Variants in DENND1A observed in about 807,000 individuals in gnomAD.
DENND1A encodes the protein DENN domain containing 1A.
A neutral mutation model predicts 113.7 loss-of-function variants in DENND1A; 51 were observed. The ratio of observed to expected loss-of-function variants is 0.45; its 90% CI spans 0.36 to 0.57. The LOEUF is 0.57. Among genes scored for constraint, DENND1A ranks in the 20% least tolerant of loss-of-function variants. The pLI, the probability that DENND1A is intolerant of heterozygous loss-of-function variation, is 0.00. For synonymous variants in DENND1A, 565 were observed against 570.8 expected (o/e 0.99, Z 0.14); for missense variants, 1,258 against 1,395.9 (o/e 0.90, Z 1.57).
chr9:123,741,311 G>A (rs1224138040), intron 5 of DENND1A, among the ~76,000 whole-genome samples: 1 of 152,316 alleles, frequency 6.6e-6, no homozygotes, highest in Non-Finnish European at 1.5e-5. Flanking sequence ...AGTGGAAAGA[G>A]ATATGAACGG....
chr9:123,532,038 C>A (rs1336391373), intron 13 of DENND1A, among the ~76,000 whole-genome samples: 3 of 152,150 alleles, frequency 2.0e-5, no homozygotes, highest in Non-Finnish European at 4.4e-5. Context: ...TGTGCATGTG[C>A]ATCTTGGCTA....
chr9:123,708,610 A>T (rs867952850), intron 5 of DENND1A, among the ~76,000 whole-genome samples: 1 of 152,174 alleles, frequency 6.6e-6, no homozygotes, highest in South Asian at 2.1e-4. Context: ...TTACAAGTAT[A>T]TAAAAAATAA....
chr9:123,643,004 GATGGTACTCAGACA>G (rs1463510062), intron 9 of DENND1A, among the ~76,000 whole-genome samples: 5 of 152,156 alleles, frequency 3.3e-5, no homozygotes, highest in Non-Finnish European at 5.9e-5. Flanking sequence ...CTCAAGACCA[GATGGTACTCAGACA>G]ATGGATGCTG....
intron 11 of DENND1A, among the ~76,000 whole-genome samples, chr9:123,589,037 A>T (rs2059335454): frequency 6.6e-6 from 1 of 152,130 alleles, no homozygotes; most frequent in South Asian, 2.1e-4. Context: ...AAGTGCTCGG[A>T]TGACAGGTGT....
At chr9:123,568,973 C>T (rs950206439) in intron 12 of DENND1A, among the ~76,000 whole-genome samples, 3 of 152,080 alleles carry the variant, frequency 2.0e-5, no homozygotes, top group South Asian at 2.1e-4. Flanking sequence ...CTAGTGGGAA[C>T]GGCCAAATAT....
chr9:123,680,781 G>C (rs925178637), intron 5 of DENND1A, among the ~76,000 whole-genome samples: 5 of 152,212 alleles, frequency 3.3e-5, no homozygotes, highest in Admixed American at 6.5e-5. Flanking sequence ...AATTTTAAGA[G>C]CTCTCCGACA....
At chr9:123,495,311 C>T (rs2051815308) in intron 13 of DENND1A, among the ~76,000 whole-genome samples, 1 of 152,078 alleles carries the variant, frequency 6.6e-6, no homozygotes, top group African/African-American at 2.4e-5. Context: ...CTCAGTAAAT[C>T]CAGGAATTCT....
In DENND1A at chr9:123,603,738, T is replaced by C. The variant is rs558417738; in HGVS notation, c.765+5698A>G. On this transcript the variant is annotated intron_variant, in intron 11 of 23. Coordinates refer to ENST00000394215, the MANE Select transcript of DENND1A (RefSeq NM_001352964.2). ...ACTGAGGTGTAGAAAAAGTAACTAA[T>C]TCATAAAAAGTACTTGAAAACATAG... 2.0e-4 allele frequency among the ~76,000 whole-genome samples: 30 copies of C among 152,268 alleles called. 1 individual carries two copies. In the South Asian group the frequency reaches 5.6e-3, roughly 28 times the overall value.
intron 2 of DENND1A, among the ~76,000 whole-genome samples, chr9:123,830,453 C>T (rs1050019303): frequency 6.6e-6 from 1 of 151,786 alleles, no homozygotes; most frequent in East Asian, 1.9e-4. Flanking sequence ...AAACTGTATG[C>T]TTAAGATTTG....
intron 1 of DENND1A, among the ~76,000 whole-genome samples, chr9:123,889,661 G>C (rs926982517): frequency 6.6e-6 from 1 of 152,062 alleles, no homozygotes; most frequent in African/African-American, 2.4e-5. Flanking sequence ...AAAAAATACT[G>C]AATAAATGCA....
In DENND1A at chr9:123,381,590, G is replaced by C; in HGVS notation, c.3055C>G (p.Leu1019Val). 1 of 1,613,416 alleles carries C rather than the reference G, an allele frequency of 6.2e-7. No individual in the cohort carries two copies. Among genetic ancestry groups the C allele is most frequent in the Non-Finnish European group, 8.5e-7 (1 of 1,179,896 alleles). Residue 1019 changes from leucine (L) to valine (V), a missense_variant, in exon 24 of 24, where the codon CTG becomes GTG. Coordinates refer to ENST00000394215, the MANE Select transcript of DENND1A (RefSeq NM_001352964.2). The surrounding 1 kb of genome is among the most constrained non-coding windows in gnomAD (Gnocchi z 4.7). ...GCAGAGGGCTGCAGTGTTGGCTCCA[G>C]GCCTTGAGGGGGCCTGGGAGGCAGA... Reference protein sequence around the residue: ...PLLPPRPPQGLEPTLQPSAPQ... With the variant: ...PLLPPRPPQGVEPTLQPSAPQ...
Position 123,807,470 on chromosome 9 carries a change from C to A in DENND1A, c.89-14840G>T, listed in dbSNP as rs371783920. On this transcript the variant is annotated intron_variant, in intron 2 of 23. Coordinates refer to ENST00000394215, the MANE Select transcript of DENND1A (RefSeq NM_001352964.2). Reference sequence around the variant, plus strand: ...CCTGATTATGCACCTAATCATTTCTCGTCTTCGACTGTTAATTCTTTCATT... The same window carrying A: ...CCTGATTATGCACCTAATCATTTCTAGTCTTCGACTGTTAATTCTTTCATT... Among the ~76,000 whole-genome samples, 25 of 152,210 alleles carry A rather than the reference C, an allele frequency of 1.6e-4. No individual in the cohort carries two copies. The East Asian group carries it at 3.3e-3, about 20-fold the overall frequency.
At chr9:123,651,899 C>A in intron 9 of DENND1A, 114 bp downstream of exon 9, 2 of 727,356 alleles carry the variant, frequency 2.7e-6, no homozygotes, top group East Asian at 2.9e-5. Context: ...GACATGCTGC[C>A]ATATAAGGGG....
chr9:123,836,073 G>A (rs10818878), intron 2 of DENND1A, among the ~76,000 whole-genome samples: 9,989 of 152,082 alleles, frequency 0.066, 461 homozygotes, highest in African/African-American at 0.13. Context: ...CCTTGGTTCC[G>A]GGGACATGGT....
chr9:123,392,172 T>G (rs981817343), intron 21 of DENND1A, among the ~76,000 whole-genome samples: 1 of 152,196 alleles, frequency 6.6e-6, no homozygotes. Flanking sequence ...ACGTGCTCCA[T>G]GCTCTCTGCC....
intron 5 of DENND1A, among the ~76,000 whole-genome samples, chr9:123,723,753 A>G (rs1421676108): frequency 6.6e-6 from 1 of 152,142 alleles, no homozygotes; most frequent in Non-Finnish European, 1.5e-5. Flanking sequence ...AAATCCATTA[A>G]ACCTCTTTTA....
chr9:123,401,650 G>C, intron 21 of DENND1A: 1 of 1,459,908 alleles, frequency 6.8e-7, no homozygotes, highest in South Asian at 1.5e-5. Context: ...AGAAAACAGG[G>C]CATATTAAAC....
chr9:123,398,993 G>T, intron 21 of DENND1A, among the ~76,000 whole-genome samples: 1 of 149,070 alleles, frequency 6.7e-6, no homozygotes, highest in South Asian at 2.1e-4. Flanking sequence ...ACGGGGTTTC[G>T]CCATGTTAGC....
intron 1 of DENND1A, among the ~76,000 whole-genome samples, chr9:123,903,653 G>A (rs543328076): frequency 1.6e-4 from 25 of 152,292 alleles, no homozygotes; most frequent in Admixed American, 1.1e-3. Context: ...CGAATATTGC[G>A]CTTTTCGGAC....
Sources: allele counts gnomAD v4.1 joint callset (sites outside exome capture counted in the v4.1 genomes callset), GRCh38; gene constraint gnomAD v4.1.1; non-coding constraint Gnocchi (gnomAD v3.1); transcripts MANE v1.5; gene names NCBI Gene and HGNC (gene_info 2026-07-23, HGNC 2026-07-21).